The following THRB variants were observed in gnomAD, a reference collection of about 807,000 sequenced individuals.
THRB encodes thyroid hormone receptor beta.
THRB carries 12 observed loss-of-function variants against 47.8 expected under a neutral mutation model. That is an observed-to-expected ratio of 0.25 (90% CI 0.16 to 0.41). The LOEUF is 0.41. Among genes scored for constraint, THRB ranks in the 10% least tolerant of loss-of-function variants. The probability of loss-of-function intolerance (pLI) is 1.00; values close to 1 mark genes in which losing one functional copy is unlikely to be tolerated. For synonymous variants in THRB, 218 were observed against 212.2 expected (o/e 1.03, Z -0.24); for missense variants, 348 against 589.2 (o/e 0.59, Z 4.24).
chr3:24,378,287 T>C (rs2065441565), intron 1 of THRB, among the ~76,000 whole-genome samples: 1 of 152,210 alleles, frequency 6.6e-6, no homozygotes, highest in Non-Finnish European at 1.5e-5. Context: ...TTTGTGCAGG[T>C]ATTTGGATAA....
At chr3:24,259,620 CTTTTTTT>C (rs10671187) in intron 3 of THRB, among the ~76,000 whole-genome samples, 1 of 98,254 alleles carries the variant, frequency 1.0e-5, no homozygotes, top group Non-Finnish European at 1.9e-5. Context: ...CTCTGCTTAC[CTTTTTTT>C]TTTTTTTTTT....
At chr3:24,410,850 G>C (rs1044202167) in intron 1 of THRB, among the ~76,000 whole-genome samples, 1 of 151,822 alleles carries the variant, frequency 6.6e-6, no homozygotes, top group Non-Finnish European at 1.5e-5. Context: ...TTGCCTGAAT[G>C]ATCTATGTTG....
At chr3:24,132,357 G>A (rs1423014732) in intron 9 of THRB, among the ~76,000 whole-genome samples, 1 of 152,152 alleles carries the variant, frequency 6.6e-6, no homozygotes, top group Non-Finnish European at 1.5e-5. Context: ...TAAAAAAGAA[G>A]AAGGTTAGAG....
intron 8 of THRB, among the ~76,000 whole-genome samples, chr3:24,134,884 C>T (rs1237663141): frequency 6.6e-6 from 1 of 152,168 alleles, no homozygotes; most frequent in Non-Finnish European, 1.5e-5. Context: ...GAGGAACTGA[C>T]ACTGTGAGTG....
At chr3:24,488,366 G>C (rs1381018435) in intron 1 of THRB, among the ~76,000 whole-genome samples, 3 of 152,122 alleles carry the variant, frequency 2.0e-5, no homozygotes, top group Admixed American at 6.5e-5. Flanking sequence ...AGAACACAGA[G>C]ACATGTATGT....
intron 5 of THRB, among the ~76,000 whole-genome samples, chr3:24,184,989 C>G (rs571809717): frequency 4.6e-5 from 7 of 152,286 alleles, no homozygotes; most frequent in Non-Finnish European, 1.0e-4. Flanking sequence ...TTTATGTCTC[C>G]AACTTTTAAG....
chr3:24,176,710 T>C (rs2041203787), intron 5 of THRB, among the ~76,000 whole-genome samples: 1 of 152,154 alleles, frequency 6.6e-6, no homozygotes, highest in Non-Finnish European at 1.5e-5. Context: ...GACCACGTAT[T>C]GTAGCATTCC....
chr3:24,289,859 G>A (rs910514024), intron 3 of THRB, among the ~76,000 whole-genome samples: 1 of 152,120 alleles, frequency 6.6e-6, no homozygotes, highest in African/African-American at 2.4e-5. Flanking sequence ...GTATTGGGAT[G>A]TTCCCTATCA....
intron 2 of THRB, among the ~76,000 whole-genome samples, chr3:24,305,931 C>T (rs561853456): frequency 6.6e-6 from 1 of 152,142 alleles, no homozygotes; most frequent in East Asian, 1.9e-4. Flanking sequence ...TGGGCTGACT[C>T]CCAAGAAATC....
At chr3:24,233,760 G>C (rs531321625) in intron 3 of THRB, among the ~76,000 whole-genome samples, 1 of 152,318 alleles carries the variant, frequency 6.6e-6, no homozygotes, top group South Asian at 2.1e-4. Flanking sequence ...AGTCACATGA[G>C]GGGTAGAGAG....
intron 5 of THRB, among the ~76,000 whole-genome samples, chr3:24,176,753 C>T (rs577219217): frequency 3.2e-4 from 48 of 152,204 alleles, no homozygotes; most frequent in African/African-American, 1.1e-3. Context: ...GGCAAATCTA[C>T]AGGGACTGAA....
At chr3:24,262,849 A>AT (rs201880078) in intron 3 of THRB, among the ~76,000 whole-genome samples, 2,717 of 150,880 alleles carry the variant, frequency 0.018, 68 homozygotes, top group African/African-American at 0.052. Context: ...GGATTTTTTT[A>AT]TTTTTTTTTC....
chr3:24,288,591 T>G (rs952795732), intron 3 of THRB, among the ~76,000 whole-genome samples: 4 of 152,190 alleles, frequency 2.6e-5, no homozygotes, highest in African/African-American at 9.6e-5. Context: ...CAAAGGATGT[T>G]TTTACCGTGT....
intron 2 of THRB, among the ~76,000 whole-genome samples, chr3:24,327,257 AC>A (rs553596045): frequency 6.7e-5 from 10 of 150,346 alleles, no homozygotes; most frequent in African/African-American, 2.2e-4. Context: ...ATGCTCAGGG[AC>A]CCCCCCCACC....
chr3:24,491,418 T>C (rs1698126383), intron 1 of THRB, among the ~76,000 whole-genome samples: 1 of 152,206 alleles, frequency 6.6e-6, no homozygotes, highest in Non-Finnish European at 1.5e-5. Context: ...TCCTTTGATA[T>C]TATGCTCTGG....
chr3:24,316,640 G>C (rs1256650913), intron 2 of THRB, among the ~76,000 whole-genome samples: 1 of 152,008 alleles, frequency 6.6e-6, no homozygotes. Flanking sequence ...TCTCTCCAGA[G>C]GGTGGTTTAT....
At chr3:24,256,923 C>A (rs549640151) in intron 3 of THRB, among the ~76,000 whole-genome samples, 1 of 152,236 alleles carries the variant, frequency 6.6e-6, no homozygotes, top group South Asian at 2.1e-4. Flanking sequence ...TTGAAGGTGG[C>A]CATCTGAATT....
At chr3:24,156,715 C>T (rs1272855260) in intron 5 of THRB, among the ~76,000 whole-genome samples, 7 of 152,142 alleles carry the variant, frequency 4.6e-5, no homozygotes, top group Non-Finnish European at 8.8e-5. Flanking sequence ...GAGGATGAGA[C>T]TGTATTTTGT....
intron 1 of THRB, among the ~76,000 whole-genome samples, chr3:24,377,934 G>C (rs1461257875): frequency 6.6e-6 from 1 of 152,132 alleles, no homozygotes; most frequent in Non-Finnish European, 1.5e-5. Context: ...ACAAAGAAAA[G>C]GTGTAAAATG....
Sources: allele counts gnomAD v4.1 joint callset (sites outside exome capture counted in the v4.1 genomes callset), GRCh38; gene constraint gnomAD v4.1.1; transcripts MANE v1.5; gene names NCBI Gene and HGNC (gene_info 2026-07-23, HGNC 2026-07-21).